Variants in SUGCT observed in about 807,000 individuals in gnomAD.
The protein encoded by SUGCT is succinyl-CoA:glutarate-CoA transferase.
A neutral mutation model predicts 55.0 loss-of-function variants in SUGCT; 41 were observed. The observed-to-expected ratio is 0.74, with a 90% confidence interval of 0.58 to 0.97. The LOEUF (loss-of-function observed/expected upper bound fraction) is 0.97. SUGCT is among the 50% of genes least tolerant of loss of function. The pLI is 0.00. For missense variants in SUGCT, 568 were observed against 547.8 expected (o/e 1.04, Z -0.37); for synonymous variants, 187 against 200.4 (o/e 0.93, Z 0.56).
chr7:40,409,994 T>C lies in SUGCT; in HGVS notation c.817-39293T>C, dbSNP rs540853538. ...TACATTGTATACCTGTCTTAGTGTC[T>C]GTGTCTAGATATTTTACATCTTTTG... On this transcript the variant is annotated intron_variant, in intron 9 of 13. Coordinates refer to ENST00000335693, the MANE Select transcript of SUGCT (RefSeq NM_001193313.2). Among the ~76,000 whole-genome samples, 18 of 152,284 alleles carry C rather than the reference T, an allele frequency of 1.2e-4. 1 individual carries two copies. Among genetic ancestry groups the C allele is most frequent in the African/African-American group, 4.3e-4 (18 of 41,578 alleles).
chr7:40,820,506 T>C (rs1467633946), intron 13 of SUGCT, among the ~76,000 whole-genome samples: 2 of 152,198 alleles, frequency 1.3e-5, no homozygotes, highest in Non-Finnish European at 2.9e-5. Context: ...GATTCCTAGG[T>C]ACTTTATTCT....
chr7:40,215,677 A>G (rs1787585130), intron 6 of SUGCT, among the ~76,000 whole-genome samples: 1 of 152,030 alleles, frequency 6.6e-6, no homozygotes, highest in African/African-American at 2.4e-5. Context: ...CCTGGCTAAC[A>G]CGGTGAAACC....
chr7:40,137,719 C>A (rs577137001), intron 1 of SUGCT, among the ~76,000 whole-genome samples: 2 of 152,218 alleles, frequency 1.3e-5, no homozygotes, highest in East Asian at 3.9e-4. Flanking sequence ...CTTGCTCTTT[C>A]ATCCAGGCTG....
chr7:40,293,482 A>G (rs11766698), intron 8 of SUGCT, among the ~76,000 whole-genome samples: 66,516 of 151,950 alleles, frequency 0.44, 15,889 homozygotes, highest in African/African-American at 0.63. Context: ...ATGGGCAGCA[A>G]AGTTTGAAAA....
chr7:40,928,465 G>A, the SUGCT span, among the ~76,000 whole-genome samples: 25 of 151,584 alleles, frequency 1.6e-4, no homozygotes, highest in African/African-American at 5.1e-4. Context: ...TTTTTATTTC[G>A]ATAAATGTAT....
the SUGCT span, among the ~76,000 whole-genome samples, chr7:40,958,872 T>A: frequency 2.1e-4 from 32 of 152,322 alleles, no homozygotes; most frequent in African/African-American, 7.2e-4. Flanking sequence ...TTTGTTGATG[T>A]TGATGCTATT....
At chr7:40,415,044 CA>C (rs66493575) in intron 9 of SUGCT, among the ~76,000 whole-genome samples, 9,877 of 70,976 alleles carry the variant, frequency 0.14, 1,110 homozygotes, top group South Asian at 0.21. Context: ...CACTCTGTCA[CA>C]AAAAAAAAAA....
At chr7:40,200,590 G>A (rs905954525) in intron 6 of SUGCT, among the ~76,000 whole-genome samples, 8 of 152,120 alleles carry the variant, frequency 5.3e-5, no homozygotes, top group Non-Finnish European at 1.2e-4. Context: ...AGAGAAAGCC[G>A]AAGTGTTTGG....
At chr7:40,962,920 A>G in the SUGCT span, among the ~76,000 whole-genome samples, 1 of 152,184 alleles carries the variant, frequency 6.6e-6, no homozygotes, top group Non-Finnish European at 1.5e-5. Context: ...GTTTCCAGGA[A>G]GATCATCTGG....
chr7:40,660,824 A>C (rs988787325), intron 12 of SUGCT, among the ~76,000 whole-genome samples: 7 of 152,072 alleles, frequency 4.6e-5, no homozygotes, highest in Non-Finnish European at 1.0e-4. Context: ...ACTAATCTAC[A>C]GCTGTACCTG....
the SUGCT span, among the ~76,000 whole-genome samples, chr7:40,877,475 G>A: frequency 6.6e-6 from 1 of 152,178 alleles, no homozygotes; most frequent in African/African-American, 2.4e-5. Context: ...CACTCAATGA[G>A]TGGGGAGTAT....
At chr7:40,341,492 G>A (rs2151177769) in intron 9 of SUGCT, among the ~76,000 whole-genome samples, 1 of 152,296 alleles carries the variant, frequency 6.6e-6, no homozygotes, top group South Asian at 2.1e-4. Context: ...TGGGATTTCT[G>A]CTGGGCCTCT....
intron 12 of SUGCT, among the ~76,000 whole-genome samples, chr7:40,738,558 G>T (rs189781038): frequency 2.0e-5 from 3 of 152,272 alleles, no homozygotes; most frequent in African/African-American, 7.2e-5. Context: ...CTTTAGTAAT[G>T]TTAGATGCTA....
chr7:40,250,593 A>G (rs1790303271), intron 7 of SUGCT, among the ~76,000 whole-genome samples: 2 of 152,092 alleles, frequency 1.3e-5, no homozygotes. Context: ...ATAGCATATG[A>G]CAAACATAAA....
the SUGCT span, among the ~76,000 whole-genome samples, chr7:40,971,939 C>A: frequency 6.6e-6 from 1 of 151,976 alleles, no homozygotes; most frequent in East Asian, 1.9e-4. Context: ...TTCATGTTTA[C>A]ACTGAGAAAT....
intron 5 of SUGCT, among the ~76,000 whole-genome samples, chr7:40,191,530 T>C (rs1209695310): frequency 2.0e-5 from 3 of 152,202 alleles, no homozygotes. Context: ...ATCCTGATCT[T>C]ACCACTCTTT....
intron 12 of SUGCT, among the ~76,000 whole-genome samples, chr7:40,712,051 G>C (rs1785753325): frequency 6.6e-6 from 1 of 152,260 alleles, no homozygotes; most frequent in African/African-American, 2.4e-5. Flanking sequence ...AGCTGACTTA[G>C]AAGGCGGCCC....
chr7:40,137,305 T>C (rs1787750490), intron 1 of SUGCT, among the ~76,000 whole-genome samples: 1 of 151,910 alleles, frequency 6.6e-6, no homozygotes, highest in Non-Finnish European at 1.5e-5. Context: ...TTTTTTTATT[T>C]CTTTATTTTT....
intron 12 of SUGCT, among the ~76,000 whole-genome samples, chr7:40,498,217 T>G (rs1792092221): frequency 6.6e-6 from 1 of 152,232 alleles, no homozygotes; most frequent in Non-Finnish European, 1.5e-5. Flanking sequence ...TGTAAATTTG[T>G]GTAAAACAGA....
Sources: allele counts gnomAD v4.1 joint callset (sites outside exome capture counted in the v4.1 genomes callset), GRCh38; gene constraint gnomAD v4.1.1; transcripts MANE v1.5; gene names NCBI Gene and HGNC (gene_info 2026-07-23, HGNC 2026-07-21).